Variants in EVA1A observed in about 807,000 individuals in gnomAD.
EVA1A encodes the protein eva-1 homolog A, regulator of programmed cell death, also known as protein eva-1 homolog A.
Under a neutral mutation model 9.8 loss-of-function variants are expected in EVA1A, and 7 were observed. The observed-to-expected ratio is 0.71, with a 90% confidence interval of 0.41 to 1.34. EVA1A has a LOEUF of 1.34. Ranked by LOEUF, EVA1A falls within the 40% of genes most tolerant of loss-of-function variation. The probability of loss-of-function intolerance (pLI) is 0.01; values close to 1 mark genes in which losing one functional copy is unlikely to be tolerated. For synonymous variants in EVA1A, 90 were observed against 85.6 expected (o/e 1.05, Z -0.28); for missense variants, 206 against 205.9 (o/e 1.00, Z 0.00).
chr2:75,518,654 CTT>C, intron 2 of EVA1A: 2 of 987,738 alleles, frequency 2.0e-6, no homozygotes, highest in Non-Finnish European at 2.4e-6. Flanking sequence ...TTCTGGAACT[CTT>C]TATTTGATTC....
At chr2:75,541,978 A>T (rs1306128297) in intron 1 of EVA1A, 1 of 152,158 alleles carries the variant, frequency 6.6e-6, no homozygotes, top group Non-Finnish European at 1.5e-5. Context: ...TAGTTCCCAT[A>T]ATCCCCATGT....
At chr2:75,510,557 T>C (rs1674774793) in intron 3 of EVA1A, among the ~76,000 whole-genome samples, 2 of 152,202 alleles carry the variant, frequency 1.3e-5, no homozygotes, top group African/African-American at 4.8e-5. Flanking sequence ...ATGGGAAACA[T>C]GATTCGAATT....
At chr2:75,541,518 CTGAGT>C (rs1156683490) in intron 1 of EVA1A, among the ~76,000 whole-genome samples, 1 of 152,274 alleles carries the variant, frequency 6.6e-6, no homozygotes, top group East Asian at 1.9e-4. Flanking sequence ...GGGAGACCTG[CTGAGT>C]TATTTACTGC....
chr2:75,518,715 A>G lies in EVA1A; in HGVS notation c.-68-507T>C, dbSNP rs886283762. 26 of 986,680 alleles carry G rather than the reference A, an allele frequency of 2.6e-5. No homozygotes were observed. In the African/African-American group the frequency reaches 3.5e-4, roughly 13 times the overall value. The allele number at this position is 986,680 out of a possible 1,614,324, so 61.1% of individuals were successfully genotyped here. A position where few individuals can be genotyped will look rare whatever the true frequency, so the allele number is the denominator to read the frequency against. On this transcript the variant is annotated intron_variant, in intron 2 of 3. Coordinates refer to ENST00000393913, the MANE Select transcript of EVA1A (RefSeq NM_001135032.2). The stretch of plus-strand genomic sequence containing the variant: ...AGCCCATCGGGTTCAAATCATCGTC[A>G]CATTCATCACTGCGTTTTAACTACA...
intron 1 of EVA1A, among the ~76,000 whole-genome samples, chr2:75,526,495 T>C (rs1675444031): frequency 6.6e-6 from 1 of 152,226 alleles, no homozygotes; most frequent in Non-Finnish European, 1.5e-5. Flanking sequence ...GCTATTATCC[T>C]TGTTTTTCAG....
intron 1 of EVA1A, among the ~76,000 whole-genome samples, chr2:75,557,721 T>C (rs1676764816): frequency 6.6e-6 from 1 of 152,346 alleles, no homozygotes; most frequent in Non-Finnish European, 1.5e-5. Flanking sequence ...CCTGACTATG[T>C]ACATAGGCTC....
chr2:75,504,481 C>A (rs1157185544), intron 3 of EVA1A, among the ~76,000 whole-genome samples: 2 of 152,176 alleles, frequency 1.3e-5, no homozygotes, highest in Admixed American at 1.3e-4. Context: ...AAAGGGAAGA[C>A]CTCCACTAAC....
intron 1 of EVA1A, among the ~76,000 whole-genome samples, chr2:75,556,928 T>G (rs568293989): frequency 1.3e-5 from 2 of 151,950 alleles, no homozygotes; most frequent in South Asian, 4.2e-4. Context: ...AGCCAAGGGG[T>G]TTGAGGACCT....
At chr2:75,502,527 A>C (rs1489676349) in intron 3 of EVA1A, among the ~76,000 whole-genome samples, 1 of 152,226 alleles carries the variant, frequency 6.6e-6, no homozygotes, top group African/African-American at 2.4e-5. Context: ...ATACAGATAT[A>C]CATATTGCAT....
At chr2:75,536,647 A>G (rs1675911931) in intron 1 of EVA1A, among the ~76,000 whole-genome samples, 1 of 152,222 alleles carries the variant, frequency 6.6e-6, no homozygotes, top group Non-Finnish European at 1.5e-5. Flanking sequence ...CAGATGACAA[A>G]AAATAGTAAG....
chr2:75,518,724 A>T, intron 2 of EVA1A: 1 of 986,744 alleles, frequency 1.0e-6, no homozygotes, highest in Non-Finnish European at 1.2e-6. Flanking sequence ...CACATTCATC[A>T]CTGCGTTTTA....
intron 1 of EVA1A, among the ~76,000 whole-genome samples, chr2:75,531,680 A>G (rs1243421596): frequency 6.6e-6 from 1 of 152,170 alleles, no homozygotes; most frequent in Non-Finnish European, 1.5e-5. Flanking sequence ...CATACATTGT[A>G]TGTTCTCACC....
In EVA1A at chr2:75,514,875, T is replaced by C. The variant is rs146658972; in HGVS notation, c.85+3181A>G. ...GTGTTTTTAAGGGCTTTGATGGATA[T>C]TGTCAAATTATTTTTTAGAGAGGTT... is the stretch of plus-strand genomic sequence containing the variant. On this transcript the variant is annotated intron_variant, in intron 3 of 3. Coordinates refer to ENST00000393913, the MANE Select transcript of EVA1A (RefSeq NM_001135032.2). Among the ~76,000 whole-genome samples the C allele has an allele frequency of 1.1e-3, 175 of 152,312 alleles. 1 individual carries two copies. Among genetic ancestry groups the C allele is most frequent in the African/African-American group, 4.0e-3 (165 of 41,570 alleles).
rs896657554 is a variant in EVA1A at position 75,522,358 on chromosome 2, T to C, written c.-69+7A>G. On this transcript the variant is annotated splice_region_variant and intron_variant, in intron 2 of 3. Coordinates refer to ENST00000393913, the MANE Select transcript of EVA1A (RefSeq NM_001135032.2). Reference sequence around the variant, plus strand: ...GGGGGTAATAATCTCATTATCCCTTTAGCTACCTGGGGAGAGGTGGGGTGT... The same window carrying C: ...GGGGGTAATAATCTCATTATCCCTTCAGCTACCTGGGGAGAGGTGGGGTGT... 1 of 152,174 alleles carries C rather than the reference T, an allele frequency of 6.6e-6. No homozygotes were observed. Among genetic ancestry groups the C allele is most frequent in the African/African-American group, 2.4e-5 (1 of 41,430 alleles). 9.4% of individuals were successfully genotyped at this position (152,174 alleles called of 1,614,324 possible). A position where few individuals can be genotyped will look rare whatever the true frequency, so the allele number is the denominator to read the frequency against.
intron 1 of EVA1A, among the ~76,000 whole-genome samples, chr2:75,544,653 T>G (rs1208903272): frequency 1.3e-5 from 2 of 152,342 alleles, no homozygotes; most frequent in Non-Finnish European, 2.9e-5. Flanking sequence ...TAACCTCTCA[T>G]GATGATACAA....
chr2:75,538,244 G>A (rs1304768406), intron 1 of EVA1A, among the ~76,000 whole-genome samples: 1 of 152,162 alleles, frequency 6.6e-6, no homozygotes. Flanking sequence ...ACTGGGAGCT[G>A]AGATTGCACC....
intron 1 of EVA1A, among the ~76,000 whole-genome samples, chr2:75,560,194 TG>T (rs1676874098): frequency 6.6e-6 from 1 of 151,974 alleles, no homozygotes; most frequent in South Asian, 2.1e-4. Flanking sequence ...TTCGGGGTCC[TG>T]GGGGTCGCCA....
chr2:75,539,443 C>T (rs767122485), intron 1 of EVA1A, among the ~76,000 whole-genome samples: 6 of 152,182 alleles, frequency 3.9e-5, no homozygotes, highest in Admixed American at 6.5e-5. Flanking sequence ...AGTTAACCTC[C>T]CTGACTTCCC....
chr2:75,510,674 A>G (rs1674778425), intron 3 of EVA1A, among the ~76,000 whole-genome samples: 1 of 152,242 alleles, frequency 6.6e-6, no homozygotes, highest in African/African-American at 2.4e-5. Flanking sequence ...GAAAAATATT[A>G]CTATAAGCAA....
Sources: allele counts gnomAD v4.1 joint callset (sites outside exome capture counted in the v4.1 genomes callset), GRCh38; gene constraint gnomAD v4.1.1; transcripts MANE v1.5; gene names NCBI Gene and HGNC (gene_info 2026-07-23, HGNC 2026-07-21).